The following AOAH variants were observed in gnomAD, a reference collection of about 807,000 sequenced individuals.
The protein encoded by AOAH is acyloxyacyl hydrolase (neutrophil).
A neutral mutation model predicts 92.2 loss-of-function variants in AOAH; 64 were observed. The ratio of observed to expected loss-of-function variants is 0.69; its 90% CI spans 0.57 to 0.86. The LOEUF (loss-of-function observed/expected upper bound fraction) is 0.86, where lower values mean the gene tolerates loss of function less well. AOAH is among the 40% of genes least tolerant of loss of function. AOAH has a pLI of 0.00. For synonymous variants in AOAH, 263 were observed against 254.5 expected (o/e 1.03, Z -0.32); for missense variants, 656 against 694.6 (o/e 0.94, Z 0.62).
intron 6 of AOAH, among the ~76,000 whole-genome samples, chr7:36,630,643 G>A (rs907664947): frequency 3.3e-5 from 5 of 152,056 alleles, no homozygotes; most frequent in Non-Finnish European, 7.4e-5. Flanking sequence ...CAAGGAATCT[G>A]GATTTTAAAA....
Position 36,620,887 on chromosome 7 carries a change from A to C in AOAH, c.654-58T>G, listed in dbSNP as rs1050941382. 6.8e-6 allele frequency: 10 copies of C among 1,480,478 alleles called. No individual in the cohort carries two copies. The African/African-American group carries it at 1.3e-4, about 19-fold the overall frequency. 91.7% of individuals were successfully genotyped at this position (1,480,478 alleles called of 1,614,324 possible). A position where few individuals can be genotyped will look rare whatever the true frequency, so the allele number is the denominator to read the frequency against. ...ATATGCTTGTCTCTCAGTGGATGTC[A>C]GTTTCATGCATGAATGAATGAATGA... On this transcript the variant is annotated intron_variant, in intron 8 of 20. Coordinates refer to ENST00000617537, the MANE Select transcript of AOAH (RefSeq NM_001637.4).
At chr7:36,683,191 G>C (rs1398040883) in intron 2 of AOAH, among the ~76,000 whole-genome samples, 2 of 152,316 alleles carry the variant, frequency 1.3e-5, no homozygotes, top group Non-Finnish European at 2.9e-5. Flanking sequence ...GTGCCAAGGA[G>C]TTTTATATAC....
chr7:36,651,315 T>C (rs537806132), intron 4 of AOAH, among the ~76,000 whole-genome samples: 5 of 152,366 alleles, frequency 3.3e-5, no homozygotes, highest in African/African-American at 1.2e-4. Context: ...ACAATTATTC[T>C]GTAGAAAGTA....
intron 11 of AOAH, among the ~76,000 whole-genome samples, chr7:36,603,026 C>G (rs970652312): frequency 2.6e-5 from 4 of 152,208 alleles, no homozygotes; most frequent in Non-Finnish European, 4.4e-5. Flanking sequence ...AGGGGCCCTG[C>G]TTCCTCACTC....
At chr7:36,549,535 T>TC in intron 13 of AOAH, 60 bp from the exon 14 acceptor site, 2 of 1,172,528 alleles carry the variant, frequency 1.7e-6, no homozygotes, top group Non-Finnish European at 2.5e-6. Flanking sequence ...ACACTATCAA[T>TC]ATGGGAGTCT....
intron 1 of AOAH, among the ~76,000 whole-genome samples, chr7:36,691,409 G>C (rs952862213): frequency 3.3e-5 from 5 of 152,182 alleles, no homozygotes; most frequent in Admixed American, 1.3e-4. Context: ...GTTACTCAGA[G>C]AGCATGGCAC....
At chr7:36,558,857 G>A (rs559318925) in intron 13 of AOAH, among the ~76,000 whole-genome samples, 4 of 152,234 alleles carry the variant, frequency 2.6e-5, no homozygotes, top group Non-Finnish European at 5.9e-5. Context: ...GGAGTGACCC[G>A]ATTTTCCAGG....
Position 36,686,772 on chromosome 7 carries a change from TAC to T in AOAH, c.148_149del (p.Val50AsnfsTer25). ...TCVGCVLVVS[V>X]IEQLAQVHNS... ...TGTGAACTTGAGCAAGCTGTTCTAT[TAC>T]AGACACCACCAGCACACACCCTGCC... On this transcript the variant is annotated frameshift_variant, in exon 2 of 21. Coordinates refer to ENST00000617537, the MANE Select transcript of AOAH (RefSeq NM_001637.4). LOFTEE classifies it high-confidence loss of function. 6.3e-7 allele frequency: 1 copy of T among 1,577,584 alleles called. No homozygotes were observed. The highest frequency in any genetic ancestry group is 1.8e-5 in the Admixed American group (1 of 54,976).
At chr7:36,560,316 C>G (rs988913995) in intron 13 of AOAH, among the ~76,000 whole-genome samples, 1 of 152,074 alleles carries the variant, frequency 6.6e-6, no homozygotes, top group Non-Finnish European at 1.5e-5. Flanking sequence ...CTATAGATTG[C>G]TTTGGGCAGT....
chr7:36,697,841 G>C (rs1465926975), intron 1 of AOAH, among the ~76,000 whole-genome samples: 1 of 152,208 alleles, frequency 6.6e-6, no homozygotes, highest in African/African-American at 2.4e-5. Flanking sequence ...ACTCAGAGAA[G>C]AGAATGCCAC....
intron 1 of AOAH, among the ~76,000 whole-genome samples, chr7:36,715,149 T>C (rs1208014563): frequency 2.0e-5 from 3 of 152,138 alleles, no homozygotes; most frequent in Non-Finnish European, 4.4e-5. Flanking sequence ...ACAAAATCAA[T>C]GTGCAAAAAT....
intron 11 of AOAH, 79 bp downstream of exon 11, chr7:36,616,301 G>T: frequency 2.6e-6 from 3 of 1,141,056 alleles, no homozygotes; most frequent in Non-Finnish European, 3.9e-6. Flanking sequence ...TGTGGAGTTG[G>T]CATCCCATTT....
chr7:36,677,997 T>C (rs1796361727), intron 2 of AOAH, among the ~76,000 whole-genome samples: 2 of 152,194 alleles, frequency 1.3e-5, no homozygotes, highest in Non-Finnish European at 2.9e-5. Flanking sequence ...TTCTTTCTGG[T>C]GTAATGAAAA....
intron 12 of AOAH, among the ~76,000 whole-genome samples, chr7:36,590,972 A>T (rs972188048): frequency 6.6e-6 from 1 of 152,256 alleles, no homozygotes; most frequent in Admixed American, 6.5e-5. Flanking sequence ...GTATATGGAT[A>T]CTTTAGCTGT....
intron 4 of AOAH, 89 bp downstream of exon 4, chr7:36,659,077 A>G: frequency 2.8e-6 from 3 of 1,056,526 alleles, no homozygotes; most frequent in Non-Finnish European, 4.4e-6. Flanking sequence ...CAAAACACTG[A>G]GCGAGTAAAA....
intron 15 of AOAH, among the ~76,000 whole-genome samples, chr7:36,540,867 A>C (rs1000612473): frequency 6.6e-6 from 1 of 152,222 alleles, no homozygotes; most frequent in African/African-American, 2.4e-5. Flanking sequence ...GTGATCTCTG[A>C]TGGACAAGTA....
At chr7:36,642,761 A>C (rs7796624) in intron 4 of AOAH, among the ~76,000 whole-genome samples, 3 of 152,178 alleles carry the variant, frequency 2.0e-5, no homozygotes, top group East Asian at 1.9e-4. Flanking sequence ...TGGTCAGATT[A>C]AACCATTTGG....
intron 11 of AOAH, among the ~76,000 whole-genome samples, chr7:36,598,599 G>A (rs1444594814): frequency 6.6e-6 from 1 of 152,204 alleles, no homozygotes; most frequent in Admixed American, 6.5e-5. Context: ...AGACCACCTA[G>A]TGTCCCTTTC....
chr7:36,543,532 G>A (rs1056724314), intron 15 of AOAH, among the ~76,000 whole-genome samples: 4 of 152,062 alleles, frequency 2.6e-5, no homozygotes, highest in African/African-American at 9.7e-5. Context: ...ACCACATAAG[G>A]GCAAGATGAG....
Sources: gnomAD v4.1 joint callset for allele counts (sites outside exome capture counted in the v4.1 genomes callset) on GRCh38, gnomAD v4.1.1 for gene constraint, MANE v1.5 for transcripts, NCBI Gene and HGNC (gene_info 2026-07-23, HGNC 2026-07-21) for gene names.